The following RHEB variants were observed in gnomAD, a reference collection of about 807,000 sequenced individuals.
RHEB encodes the protein GTP-binding protein Rheb.
RHEB carries 2 observed loss-of-function variants against 28.8 expected under a neutral mutation model. The observed-to-expected ratio is 0.07, with a 90% CI of 0.03 to 0.22. The LOEUF (loss-of-function observed/expected upper bound fraction) is 0.22, where lower values mean the gene tolerates loss of function less well. RHEB is among the 10% of genes least tolerant of loss of function. The pLI is 1.00. For synonymous variants in RHEB, 69 were observed against 77.3 expected (o/e 0.89, Z 0.56); for missense variants, 76 against 219.9 (o/e 0.35, Z 4.14).
At chr7:151,517,496 T>C (rs141516525) in intron 1 of RHEB, among the ~76,000 whole-genome samples, 2 of 152,008 alleles carry the variant, frequency 1.3e-5, no homozygotes, top group East Asian at 3.9e-4. Flanking sequence ...TATGAAATAC[T>C]GAAGACAGAA....
chr7:151,503,147 T>A (rs972715322), intron 1 of RHEB: 1 of 791,978 alleles, frequency 1.3e-6, no homozygotes, highest in Non-Finnish European at 2.3e-6. Flanking sequence ...TATAATGAGA[T>A]ATGTTCTTTA....
intron 1 of RHEB, among the ~76,000 whole-genome samples, chr7:151,500,248 T>A (rs932344075): frequency 6.6e-6 from 1 of 152,176 alleles, no homozygotes; most frequent in Non-Finnish European, 1.5e-5. Context: ...AAAACTGGAC[T>A]TTTTTTAGTC....
At chr7:151,483,395 C>T (rs1802412146) in intron 3 of RHEB, among the ~76,000 whole-genome samples, 1 of 152,158 alleles carries the variant, frequency 6.6e-6, no homozygotes, top group African/African-American at 2.4e-5. Flanking sequence ...CTACACTCAC[C>T]CTCCTGCTAC....
chr7:151,493,844 CAAG>C (rs1443436128), intron 1 of RHEB, among the ~76,000 whole-genome samples: 2 of 150,952 alleles, frequency 1.3e-5, no homozygotes, highest in South Asian at 4.2e-4. Flanking sequence ...ACAAAAATAG[CAAG>C]AAGAAAACTC....
intron 2 of RHEB, among the ~76,000 whole-genome samples, chr7:151,486,213 C>T (rs951990284): frequency 6.6e-6 from 1 of 152,184 alleles, no homozygotes; most frequent in Non-Finnish European, 1.5e-5. Context: ...ATGTAAGAAA[C>T]ACTGGTGAGC....
intron 1 of RHEB, 53 bp downstream of exon 1, chr7:151,519,406 TC>T: frequency 7.7e-7 from 1 of 1,296,962 alleles, no homozygotes. Context: ...GCGACCCGGC[TC>T]CCAGGCGAGG....
chr7:151,496,605 C>T (rs537700004), intron 1 of RHEB, among the ~76,000 whole-genome samples: 14 of 152,170 alleles, frequency 9.2e-5, no homozygotes, highest in East Asian at 1.9e-4. Flanking sequence ...TGGCTACAGA[C>T]GAAAAGGTTA....
chr7:151,491,736 C>CAA (rs11324430), intron 1 of RHEB, among the ~76,000 whole-genome samples: 1 of 141,718 alleles, frequency 7.1e-6, no homozygotes. Context: ...GACCCTGTGT[C>CAA]AAAAAAAAAA....
In RHEB at chr7:151,490,536, G is replaced by A. The variant is rs142334692; in HGVS notation, c.124+407C>T. On this transcript the variant is annotated intron_variant, in intron 2 of 7. Transcript: ENST00000262187. The stretch of plus-strand genomic sequence containing the variant: ...GGAAAGAAGGGTATAGAGAAATGTG[G>A]GTGGGAGTACGGCTTCTGTAAGAAT... Among the ~76,000 whole-genome samples, 90 of 152,294 alleles carry A rather than the reference G, an allele frequency of 5.9e-4. 1 individual carries two copies. Among genetic ancestry groups the A allele is most frequent in the Middle Eastern group, 3.4e-3 (1 of 294 alleles).
At chr7:151,487,001 A>T (rs1802488319) in intron 2 of RHEB, among the ~76,000 whole-genome samples, 1 of 152,174 alleles carries the variant, frequency 6.6e-6, no homozygotes, top group Non-Finnish European at 1.5e-5. Context: ...ACCAAGGGGA[A>T]ATGCAGGCAG....
At chr7:151,474,379 C>T (rs777806588) in intron 4 of RHEB, among the ~76,000 whole-genome samples, 6 of 152,100 alleles carry the variant, frequency 3.9e-5, no homozygotes, top group Non-Finnish European at 7.4e-5. Context: ...TGAGGTTTCA[C>T]CATGTTGGCC....
At chr7:151,487,166 G>A (rs1230225353) in intron 2 of RHEB, among the ~76,000 whole-genome samples, 1 of 152,216 alleles carries the variant, frequency 6.6e-6, no homozygotes, top group Non-Finnish European at 1.5e-5. Flanking sequence ...GCTCCAGCGT[G>A]GTGGCTCACG....
chr7:151,476,750 G>A (rs1221539439), intron 4 of RHEB, among the ~76,000 whole-genome samples: 2 of 152,106 alleles, frequency 1.3e-5, no homozygotes, highest in South Asian at 2.1e-4. Context: ...CCAGAGCTCC[G>A]CTGCTGTATA....
chr7:151,503,338 A>G, intron 1 of RHEB: 1 of 874,724 alleles, frequency 1.1e-6, no homozygotes, highest in South Asian at 1.3e-5. Flanking sequence ...CACAGATAAA[A>G]TGCAAGACGG....
intron 1 of RHEB, among the ~76,000 whole-genome samples, chr7:151,499,868 G>T (rs1176851144): frequency 6.6e-6 from 1 of 152,212 alleles, no homozygotes; most frequent in East Asian, 1.9e-4. Flanking sequence ...GAGTGCAGTA[G>T]AGCAATCAGA....
chr7:151,510,850 G>A (rs1411195153), intron 1 of RHEB, among the ~76,000 whole-genome samples: 1 of 152,126 alleles, frequency 6.6e-6, no homozygotes, highest in African/African-American at 2.4e-5. Context: ...AGGCTGAGGT[G>A]GCTGGATCGC....
chr7:151,517,847 A>G (rs974376652), intron 1 of RHEB: 1 of 152,252 alleles, frequency 6.6e-6, no homozygotes, highest in Non-Finnish European at 1.5e-5. Context: ...TAACGTGATT[A>G]TTCAGGGACT....
intron 2 of RHEB, among the ~76,000 whole-genome samples, chr7:151,486,726 C>T (rs553001962): frequency 6.6e-6 from 1 of 152,244 alleles, no homozygotes; most frequent in African/African-American, 2.4e-5. Context: ...ATACAGTGAC[C>T]ACATGACTGT....
At chr7:151,504,084 ATGCAAACTGCAT>A (rs1297605582) in intron 1 of RHEB, among the ~76,000 whole-genome samples, 4 of 152,320 alleles carry the variant, frequency 2.6e-5, no homozygotes, top group Admixed American at 2.0e-4. Flanking sequence ...AGTTTCAAGG[ATGCAAACTGCAT>A]TGCAAAATCA....
Sources: gnomAD v4.1 joint callset for allele counts (sites outside exome capture counted in the v4.1 genomes callset) on GRCh38, gnomAD v4.1.1 for gene constraint, MANE v1.5 for transcripts, NCBI Gene and HGNC (gene_info 2026-07-23, HGNC 2026-07-21) for gene names.